The following PPP1R1C variants were observed in gnomAD, a reference collection of about 807,000 sequenced individuals.
PPP1R1C encodes the protein protein phosphatase 1 regulatory subunit 1C.
A neutral mutation model predicts 17.4 loss-of-function variants in PPP1R1C; 15 were observed. That is an observed-to-expected ratio of 0.86 (90% CI 0.58 to 1.33). PPP1R1C has a LOEUF of 1.33. PPP1R1C is among the 40% of genes most tolerant of loss of function. The pLI is 0.00. For synonymous variants in PPP1R1C, 35 were observed against 43.1 expected (o/e 0.81, Z 0.73); for missense variants, 143 against 130.0 (o/e 1.10, Z -0.48).
chr2:181,967,375 C>T lies in PPP1R1C; in HGVS notation n.112-7844C>T, dbSNP rs548738494. On this transcript the variant is annotated intron_variant and non_coding_transcript_variant, in intron 1 of 5. Transcript: ENST00000464264. The surrounding 1 kb of genome is among the most constrained non-coding windows in gnomAD (Gnocchi z 5.5). The stretch of plus-strand genomic sequence containing the variant: ...TGCTCTTGATTTTCTACATCTTTAA[C>T]AGGCATTGTAAGGTTGGTCATGTGA... Among the ~76,000 whole-genome samples the T allele has an allele frequency of 8.5e-4, 129 of 151,940 alleles. No individual in the cohort carries two copies. The South Asian group carries it at 9.2e-3, about 11-fold the overall frequency.
intron 2 of PPP1R1C, among the ~76,000 whole-genome samples, chr2:182,010,525 G>A (rs1686059085): frequency 6.6e-6 from 1 of 151,954 alleles, no homozygotes; most frequent in Non-Finnish European, 1.5e-5. Context: ...TTTTTTGGTG[G>A]AGTCTTCAGG....
chr2:181,980,871 A>G (rs1275226907), upstream of PPP1R1C, among the ~76,000 whole-genome samples: 2 of 152,200 alleles, frequency 1.3e-5, no homozygotes, highest in East Asian at 1.9e-4. Context: ...GAGTAAGTCA[A>G]AATTGTTAGA....
chr2:182,052,354 A>T (rs1353325937), intron 2 of PPP1R1C, among the ~76,000 whole-genome samples: 1 of 152,224 alleles, frequency 6.6e-6, no homozygotes, highest in Non-Finnish European at 1.5e-5. Context: ...AGAAAAGAAT[A>T]TTGGGAAATC....
chr2:182,046,412 C>A (rs1052359490), intron 2 of PPP1R1C, among the ~76,000 whole-genome samples: 1 of 151,842 alleles, frequency 6.6e-6, no homozygotes, highest in Non-Finnish European at 1.5e-5. Flanking sequence ...AATGATAATC[C>A]CCAAATTAGT....
At chr2:181,969,128 G>T (rs1271295304) in intron 1 of PPP1R1C, among the ~76,000 whole-genome samples, 1 of 152,030 alleles carries the variant, frequency 6.6e-6, no homozygotes, top group Non-Finnish European at 1.5e-5. Flanking sequence ...CTCAATATAT[G>T]AGTAGTTTAC....
At chr2:182,001,991 GAGTC>G (rs1685780325) in intron 2 of PPP1R1C, among the ~76,000 whole-genome samples, 1 of 152,068 alleles carries the variant, frequency 6.6e-6, no homozygotes, top group African/African-American at 2.4e-5. Context: ...TTTTCTGACT[GAGTC>G]AGATAAGATT....
intron 2 of PPP1R1C, among the ~76,000 whole-genome samples, chr2:181,988,770 T>G (rs1359098013): frequency 2.0e-5 from 3 of 152,130 alleles, no homozygotes; most frequent in African/African-American, 7.2e-5. Context: ...GTCCTTGACT[T>G]TTTCAGACTC....
chr2:182,017,036 A>G (rs1160821788), intron 2 of PPP1R1C, among the ~76,000 whole-genome samples: 2 of 152,200 alleles, frequency 1.3e-5, no homozygotes, highest in African/African-American at 4.8e-5. Context: ...TAGTTTACCC[A>G]TCTTTGAACA....
At chr2:182,126,105 A>G (rs1689866019) in intron 5 of PPP1R1C, among the ~76,000 whole-genome samples, 1 of 152,092 alleles carries the variant, frequency 6.6e-6, no homozygotes. Context: ...TAAGTATTAC[A>G]GAGTTCATTT....
downstream of PPP1R1C, among the ~76,000 whole-genome samples, chr2:182,118,719 A>G (rs1420831865): frequency 1.3e-5 from 2 of 152,076 alleles, no homozygotes; most frequent in Non-Finnish European, 2.9e-5. Context: ...AATAAGTGTG[A>G]AACCCGTTGA....
chr2:181,977,118 A>G (rs1478556598), intron 2 of PPP1R1C, among the ~76,000 whole-genome samples: 1 of 131,524 alleles, frequency 7.6e-6, no homozygotes, highest in East Asian at 2.7e-4. Flanking sequence ...TGGGCAACAG[A>G]GTGAGAATCT....
In PPP1R1C at chr2:181,957,041, T is replaced by C. The variant is rs1191097449; in HGVS notation, n.111+2407T>C. Among the ~76,000 whole-genome samples, 5 of 152,178 alleles carry C rather than the reference T, an allele frequency of 3.3e-5. No homozygotes were observed. Among genetic ancestry groups the C allele is most frequent in the Admixed American group, 1.3e-4 (2 of 15,286 alleles). On this transcript the variant is annotated intron_variant and non_coding_transcript_variant, in intron 1 of 5. Coordinates refer to the PPP1R1C transcript ENST00000464264. The surrounding 1 kb of genome is among the most constrained non-coding windows in gnomAD (Gnocchi z 4.2). The stretch of plus-strand genomic sequence containing the variant: ...TCAGCTGTTTTAATTTAAATAAGTA[T>C]GCATGTGCTTTGCCACTGGATAATT...
At chr2:182,091,526 C>T (rs1688781396) in intron 4 of PPP1R1C, among the ~76,000 whole-genome samples, 1 of 151,414 alleles carries the variant, frequency 6.6e-6, no homozygotes, top group Non-Finnish European at 1.5e-5. Flanking sequence ...GAGGAATGTG[C>T]AGGGTTAAAG....
intron 4 of PPP1R1C, among the ~76,000 whole-genome samples, chr2:182,105,797 T>G (rs530221195): frequency 2.0e-5 from 3 of 152,204 alleles, no homozygotes; most frequent in Admixed American, 2.0e-4. Flanking sequence ...ACAATGGTAT[T>G]GGGGAGGATG....
intron 2 of PPP1R1C, among the ~76,000 whole-genome samples, chr2:182,053,844 G>A (rs1048026990): frequency 6.6e-6 from 1 of 151,816 alleles, no homozygotes; most frequent in African/African-American, 2.4e-5. Flanking sequence ...GCAGTGGTGT[G>A]ATCTCAGCTC....
intron 4 of PPP1R1C, among the ~76,000 whole-genome samples, chr2:182,102,303 G>A (rs1689121469): frequency 6.6e-6 from 1 of 152,080 alleles, no homozygotes; most frequent in African/African-American, 2.4e-5. Flanking sequence ...CCTAGTCAAA[G>A]GGCCTTTCTA....
chr2:182,009,806 G>T (rs190417799), intron 2 of PPP1R1C, among the ~76,000 whole-genome samples: 63 of 152,224 alleles, frequency 4.1e-4, no homozygotes, highest in Non-Finnish European at 8.1e-4. Flanking sequence ...TGTTTATGGT[G>T]AGAGATAGGG....
chr2:182,105,883 C>T (rs1162425406), intron 4 of PPP1R1C, among the ~76,000 whole-genome samples: 1 of 152,116 alleles, frequency 6.6e-6, no homozygotes, highest in Non-Finnish European at 1.5e-5. Flanking sequence ...GCCATAACAA[C>T]CACAACTGGG....
At chr2:182,084,569 C>A (rs946569043) in intron 4 of PPP1R1C, among the ~76,000 whole-genome samples, 1 of 151,924 alleles carries the variant, frequency 6.6e-6, no homozygotes, top group Non-Finnish European at 1.5e-5. Context: ...TTAAGATCAG[C>A]TGGCTGTATT....
Sources: allele counts gnomAD v4.1 joint callset (sites outside exome capture counted in the v4.1 genomes callset), GRCh38; gene constraint gnomAD v4.1.1; non-coding constraint Gnocchi (gnomAD v3.1); transcripts MANE v1.5; gene names NCBI Gene and HGNC (gene_info 2026-07-23, HGNC 2026-07-21).